The following MATN2 variants were observed in gnomAD, a reference collection of about 807,000 sequenced individuals.
The protein encoded by MATN2 is matrilin-2.
In MATN2, 69 loss-of-function variants were observed where a neutral mutation model predicts 103.2. The observed-to-expected ratio is 0.67, with a 90% CI of 0.55 to 0.82. MATN2 has a LOEUF of 0.82. Among genes scored for constraint, MATN2 ranks in the 40% least tolerant of loss-of-function variants. The pLI is 0.00. For missense variants in MATN2, 1,023 were observed against 1,211.5 expected (o/e 0.84, Z 2.31); for synonymous variants, 429 against 450.2 (o/e 0.95, Z 0.60).
chr8:97,971,693 T>G (rs1204334971), intron 5 of MATN2, among the ~76,000 whole-genome samples: 1 of 152,206 alleles, frequency 6.6e-6, no homozygotes, highest in Non-Finnish European at 1.5e-5. Context: ...GTAACTTTGG[T>G]CCTGTTTGCA....
At chr8:97,953,875 T>C (rs1226156364) in intron 4 of MATN2, among the ~76,000 whole-genome samples, 1 of 151,716 alleles carries the variant, frequency 6.6e-6, no homozygotes, top group Non-Finnish European at 1.5e-5. Flanking sequence ...GGTGGAAGGA[T>C]TGCTTGAGCT....
At chr8:97,875,917 G>A (rs1473061537) in intron 1 of MATN2, among the ~76,000 whole-genome samples, 5 of 151,938 alleles carry the variant, frequency 3.3e-5, no homozygotes, top group South Asian at 4.1e-4. Flanking sequence ...GGATGGTCTC[G>A]ATCTCCTGAC....
intron 5 of MATN2, among the ~76,000 whole-genome samples, chr8:97,971,931 C>T: frequency 6.6e-6 from 1 of 151,350 alleles, no homozygotes; most frequent in East Asian, 1.9e-4. Context: ...CATGGTGGCT[C>T]AAGCCTGTAA....
At chr8:97,926,602 T>C (rs1809997290) in intron 2 of MATN2, among the ~76,000 whole-genome samples, 1 of 152,204 alleles carries the variant, frequency 6.6e-6, no homozygotes, top group African/African-American at 2.4e-5. Context: ...AATGAGTGAC[T>C]TGGACTCTGT....
At chr8:98,029,960 T>A (rs186780095) in intron 14 of MATN2, among the ~76,000 whole-genome samples, 4 of 152,338 alleles carry the variant, frequency 2.6e-5, no homozygotes, top group Admixed American at 6.5e-5. Flanking sequence ...CCTTTTCAGC[T>A]TAGCACTTCC....
At chr8:97,998,583 A>T (rs959198493) in intron 7 of MATN2, among the ~76,000 whole-genome samples, 1 of 150,714 alleles carries the variant, frequency 6.6e-6, no homozygotes, top group South Asian at 2.1e-4. Context: ...TTAATTTTTT[A>T]AAAATGTTTT....
At chr8:97,967,240 G>T (rs1029731920) in intron 5 of MATN2, among the ~76,000 whole-genome samples, 1 of 152,206 alleles carries the variant, frequency 6.6e-6, no homozygotes, top group African/African-American at 2.4e-5. Flanking sequence ...AGATTTGGAG[G>T]CAATAAGCAT....
At chr8:97,895,558 C>G (rs1456833566) in intron 2 of MATN2, among the ~76,000 whole-genome samples, 1 of 152,224 alleles carries the variant, frequency 6.6e-6, no homozygotes, top group Non-Finnish European at 1.5e-5. Flanking sequence ...TGCCAACCCT[C>G]TCTGCCTTAC....
At chr8:97,941,949 C>A in intron 4 of MATN2, 50 bp downstream of exon 4, 1 of 1,598,018 alleles carries the variant, frequency 6.3e-7, no homozygotes, top group Non-Finnish European at 8.6e-7. Flanking sequence ...TTCCCTCATC[C>A]TCTCCCTTCT....
intron 2 of MATN2, among the ~76,000 whole-genome samples, chr8:97,892,618 A>G (rs1302135656): frequency 2.6e-5 from 4 of 152,184 alleles, no homozygotes; most frequent in African/African-American, 9.7e-5. Context: ...TTTTCATATA[A>G]TTGTGAATGT....
intron 2 of MATN2, among the ~76,000 whole-genome samples, chr8:97,909,870 G>A (rs554892787): frequency 1.3e-5 from 2 of 151,420 alleles, no homozygotes; most frequent in South Asian, 2.1e-4. Context: ...TGCAAGCTCC[G>A]CCTCCCGGGT....
At chr8:97,966,496 G>A (rs537757429) in intron 5 of MATN2, among the ~76,000 whole-genome samples, 2 of 151,918 alleles carry the variant, frequency 1.3e-5, no homozygotes, top group South Asian at 2.1e-4. Flanking sequence ...AGCCCAGGAT[G>A]TTGAGACTAT....
chr8:97,875,520 G>A (rs1033973219), intron 1 of MATN2, among the ~76,000 whole-genome samples: 2 of 150,380 alleles, frequency 1.3e-5, no homozygotes, highest in African/African-American at 2.4e-5. Flanking sequence ...TCATGTAACT[G>A]CCCCCAAGAT....
chr8:97,962,412 C>A (rs1383627588), intron 5 of MATN2, among the ~76,000 whole-genome samples: 1 of 152,186 alleles, frequency 6.6e-6, no homozygotes, highest in Non-Finnish European at 1.5e-5. Flanking sequence ...TCCAGCACAC[C>A]TTAATTCTTA....
At chr8:97,895,351 GC>G (rs1818775018) in intron 2 of MATN2, among the ~76,000 whole-genome samples, 1 of 152,182 alleles carries the variant, frequency 6.6e-6, no homozygotes, top group South Asian at 2.1e-4. Context: ...ATTTCCTGAA[GC>G]CATTTTGCCA....
chr8:97,914,235 G>A (rs553452091), intron 2 of MATN2, among the ~76,000 whole-genome samples: 9 of 152,182 alleles, frequency 5.9e-5, no homozygotes, highest in East Asian at 1.9e-4. Context: ...TTGGCTTTGG[G>A]CTGGGCCATA....
chr8:97,910,864 G>A (rs1015425316), intron 2 of MATN2, among the ~76,000 whole-genome samples: 5 of 152,168 alleles, frequency 3.3e-5, no homozygotes, highest in African/African-American at 9.7e-5. Context: ...GAGTTAGTGC[G>A]TGTACAACAT....
At chr8:98,025,727 C>G in intron 13 of MATN2, 1 of 436,622 alleles carries the variant, frequency 2.3e-6, no homozygotes, top group Non-Finnish European at 4.6e-6. Context: ...GCCTGGGCGA[C>G]ACAGCAAGAC....
Position 98,027,539 on chromosome 8 carries a change from C to G in MATN2, c.2066C>G (p.Pro689Arg). Residue 689 changes from proline (P) to arginine (R), a missense_variant, in exon 14 of 19, where the codon CCC becomes CGC. Pro to Arg is a moderately radical substitution (Grantham distance 103). Transcript: ENST00000254898. Reference protein sequence around the residue: ...TGIIDSLTISPKAARVGLLQY... With the variant: ...TGIIDSLTISRKAARVGLLQY... Reference sequence around the variant, plus strand: ...ATTATAGATTCCTTGACAATTTCCCCCAAAGCCGCTCGAGTGGGGCTGCTC... The same window carrying G: ...ATTATAGATTCCTTGACAATTTCCCGCAAAGCCGCTCGAGTGGGGCTGCTC... The G allele has an allele frequency of 1.9e-6, 3 of 1,613,916 alleles. No homozygotes were observed. The highest frequency in any genetic ancestry group is 3.3e-5 in the Admixed American group (2 of 60,008).
Sources: allele counts gnomAD v4.1 joint callset (sites outside exome capture counted in the v4.1 genomes callset), GRCh38; gene constraint gnomAD v4.1.1; transcripts MANE v1.5; gene names NCBI Gene and HGNC (gene_info 2026-07-23, HGNC 2026-07-21).